The following CNTNAP2 variants were observed in gnomAD, a reference collection of about 807,000 sequenced individuals.
CNTNAP2 encodes contactin associated protein 2.
Under a neutral mutation model 155.2 loss-of-function variants are expected in CNTNAP2, and 98 were observed. That is an observed-to-expected ratio of 0.63 (90% CI 0.54 to 0.75). The LOEUF is 0.75. Ranked by LOEUF, CNTNAP2 falls within the 30% of genes least tolerant of loss-of-function variation. The pLI is 0.00. For synonymous variants in CNTNAP2, 651 were observed against 631.2 expected, an observed-to-expected ratio of 1.03 and a Z score of -0.47; for missense variants, 1,727 against 1,688.1, an observed-to-expected ratio of 1.02 and a Z score of -0.40.
At chr7:146,579,765 TAGAAAATA>T (rs1798582488) in intron 1 of CNTNAP2, among the ~76,000 whole-genome samples, 1 of 152,078 alleles carries the variant, frequency 6.6e-6, no homozygotes, top group Non-Finnish European at 1.5e-5. Flanking sequence ...CGACATTGAG[TAGAAAATA>T]AGATGTAAGT....
At chr7:148,095,232 G>C (rs961318826) in intron 15 of CNTNAP2, among the ~76,000 whole-genome samples, 2 of 152,102 alleles carry the variant, frequency 1.3e-5, no homozygotes, top group Non-Finnish European at 1.5e-5. Flanking sequence ...ATGTCGTTCT[G>C]CATCAATGCT....
intron 1 of CNTNAP2, among the ~76,000 whole-genome samples, chr7:146,587,898 T>C (rs534625577): frequency 1.7e-4 from 26 of 152,184 alleles, no homozygotes; most frequent in Non-Finnish European, 2.9e-4. Context: ...AGTCTTGAAC[T>C]CCTGACCTCA....
chr7:146,400,029 A>G (rs747608798), intron 1 of CNTNAP2, among the ~76,000 whole-genome samples: 2 of 152,108 alleles, frequency 1.3e-5, no homozygotes, highest in Non-Finnish European at 2.9e-5. Flanking sequence ...TCTAGAAGAA[A>G]AAGTCCAGTT....
At chr7:146,334,678 G>A (rs1441957662) in intron 1 of CNTNAP2, among the ~76,000 whole-genome samples, 1 of 152,056 alleles carries the variant, frequency 6.6e-6, no homozygotes, top group African/African-American at 2.4e-5. Context: ...GAGATCTCAG[G>A]TCCCATGACA....
intron 8 of CNTNAP2, among the ~76,000 whole-genome samples, chr7:147,275,122 G>A (rs529938841): frequency 9.2e-5 from 14 of 152,082 alleles, no homozygotes; most frequent in African/African-American, 3.1e-4. Context: ...CTTGTGCTTA[G>A]GATTACTTTG....
intron 15 of CNTNAP2, among the ~76,000 whole-genome samples, chr7:148,035,998 T>G (rs1465733326): frequency 6.6e-6 from 1 of 152,224 alleles, no homozygotes; most frequent in Admixed American, 6.5e-5. Flanking sequence ...TTTTCCCTGC[T>G]TATTCGTCCT....
chr7:146,932,713 T>C (rs879587786), intron 3 of CNTNAP2, among the ~76,000 whole-genome samples: 2 of 152,172 alleles, frequency 1.3e-5, no homozygotes, highest in African/African-American at 2.4e-5. Flanking sequence ...AAAATCTCCT[T>C]AAGCTGATAA....
chr7:147,740,643 G>T (rs995844908), intron 13 of CNTNAP2, among the ~76,000 whole-genome samples: 1 of 152,194 alleles, frequency 6.6e-6, no homozygotes, highest in Non-Finnish European at 1.5e-5. Flanking sequence ...AGTAAAGCAT[G>T]TGAATTTAGG....
At chr7:147,043,791 G>T (rs1799303759) in intron 3 of CNTNAP2, 116 bp from the exon 4 acceptor site, 1 of 1,266,858 alleles carries the variant, frequency 7.9e-7, no homozygotes, top group South Asian at 1.3e-5. Context: ...TATTTACGGT[G>T]TAAGAAATCA....
At chr7:147,030,083 A>G (rs79978710) in intron 3 of CNTNAP2, among the ~76,000 whole-genome samples, 8,705 of 152,316 alleles carry the variant, frequency 0.057, 333 homozygotes, top group Middle Eastern at 0.13. Flanking sequence ...GATACTGTAA[A>G]CAATTTCTAG....
intron 1 of CNTNAP2, among the ~76,000 whole-genome samples, chr7:146,671,924 T>A (rs1800315735): frequency 6.6e-6 from 1 of 152,090 alleles, no homozygotes. Flanking sequence ...CAAGCGATTC[T>A]CCTGCTTCAG....
At chr7:148,106,966 G>A (rs764140239) in intron 15 of CNTNAP2, among the ~76,000 whole-genome samples, 5 of 152,098 alleles carry the variant, frequency 3.3e-5, no homozygotes, top group African/African-American at 7.2e-5. Flanking sequence ...TTTGAGCCCC[G>A]GTAGACCTAG....
intron 8 of CNTNAP2, among the ~76,000 whole-genome samples, chr7:147,228,938 A>G (rs1260590947): frequency 1.3e-5 from 2 of 152,030 alleles, no homozygotes; most frequent in African/African-American, 4.8e-5. Flanking sequence ...TATTTTGCTG[A>G]GAATGATGGT....
chr7:146,686,509 T>A (rs557712147), intron 1 of CNTNAP2, among the ~76,000 whole-genome samples: 3 of 152,102 alleles, frequency 2.0e-5, no homozygotes, highest in Non-Finnish European at 4.4e-5. Context: ...AAATACAGAC[T>A]TATGTACTCC....
intron 8 of CNTNAP2, among the ~76,000 whole-genome samples, chr7:147,137,523 T>C (rs1801509327): frequency 6.6e-6 from 1 of 151,874 alleles, no homozygotes; most frequent in Admixed American, 6.6e-5. Context: ...GATAAAATGA[T>C]ATTTCTGAAA....
intron 1 of CNTNAP2, among the ~76,000 whole-genome samples, chr7:146,240,934 C>A (rs1281905788): frequency 6.6e-6 from 1 of 152,090 alleles, no homozygotes; most frequent in Non-Finnish European, 1.5e-5. Context: ...TCTGGGGAGG[C>A]CTCAGGGAGC....
At chr7:146,142,564 A>T (rs759112711) in intron 1 of CNTNAP2, among the ~76,000 whole-genome samples, 21 of 152,192 alleles carry the variant, frequency 1.4e-4, no homozygotes, top group Non-Finnish European at 2.6e-4. Flanking sequence ...AGAAAAATCT[A>T]TTGATAGCCA....
At chr7:146,571,206 T>G (rs1368398572) in intron 1 of CNTNAP2, among the ~76,000 whole-genome samples, 1 of 152,138 alleles carries the variant, frequency 6.6e-6, no homozygotes, top group African/African-American at 2.4e-5. Context: ...CTCAAAATAA[T>G]ACTGTTGGCA....
intron 15 of CNTNAP2, among the ~76,000 whole-genome samples, chr7:147,978,916 T>C (rs1801476490): frequency 6.6e-6 from 1 of 152,190 alleles, no homozygotes; most frequent in African/African-American, 2.4e-5. Flanking sequence ...ACATCCCAAT[T>C]CCTCCTGGGG....
Sources: allele counts gnomAD v4.1 joint callset (sites outside exome capture counted in the v4.1 genomes callset), GRCh38; gene constraint gnomAD v4.1.1; transcripts MANE v1.5; gene names NCBI Gene and HGNC (gene_info 2026-07-23, HGNC 2026-07-21).